NOTCH2: variants seen among roughly 807,000 people sequenced by gnomAD.
NOTCH2 encodes neurogenic locus notch homolog protein 2.
NOTCH2 carries 29 observed loss-of-function variants against 235.8 expected under a neutral mutation model. The observed-to-expected ratio is 0.12, with a 90% CI of 0.09 to 0.17. The LOEUF (loss-of-function observed/expected upper bound fraction) is 0.17, where lower values mean the gene tolerates loss of function less well. Among genes scored for constraint, NOTCH2 ranks in the 10% least tolerant of loss-of-function variants. The pLI, the probability that NOTCH2 is intolerant of heterozygous loss-of-function variation, is 1.00. For synonymous variants in NOTCH2, 1,086 were observed against 1,141.5 expected, an observed-to-expected ratio of 0.95 and a Z score of 0.98; for missense variants, 2,285 against 3,150.2, an observed-to-expected ratio of 0.73 and a Z score of 6.57.
chr1:119,958,375 T>C (rs1012955938), intron 12 of NOTCH2, among the ~76,000 whole-genome samples: 11 of 152,238 alleles, frequency 7.2e-5, no homozygotes, highest in African/African-American at 2.7e-4. Context: ...TCTTGTGAAA[T>C]AGAGAACAAA....
chr1:119,953,636 T>G lies in NOTCH2; in HGVS notation c.2272A>C (p.Lys758Gln), dbSNP rs782382368. 6.2e-7 allele frequency: 1 copy of G among 1,614,214 alleles called. No homozygotes were observed. Among genetic ancestry groups the G allele is most frequent in the East Asian group, 2.2e-5 (1 of 44,880 alleles). The change falls in exon 14 of 34, where the codon AAA becomes CAA. Residue 758 changes from lysine to glutamine, a missense_variant. Physicochemically the swap from Lys to Gln is moderately conservative, Grantham distance 53 (BLOSUM62 1). Coordinates refer to ENST00000256646, the MANE Select transcript of NOTCH2 (RefSeq NM_024408.4). ...GWVGINCEVDKNECLSNPCQN... is the reference protein window; with the variant it reads ...GWVGINCEVDQNECLSNPCQN... ...CATGGATTCGAAAGGCATTCATTTT[T>G]GTCCACTTCACAGTTGATGCCAACC...
intron 17 of NOTCH2, among the ~76,000 whole-genome samples, chr1:119,943,908 T>C (rs1343156741): frequency 1.3e-4 from 19 of 151,992 alleles, no homozygotes; most frequent in Admixed American, 1.1e-3. Context: ...AACTTCCACA[T>C]ATAAAAACAT....
rs1651459749 is a variant in NOTCH2 at position 119,973,757 on chromosome 1, GTATGCTC to G, written c.875-4020_875-4014del. Among the ~76,000 whole-genome samples, 4 of 152,162 alleles carry G rather than the reference GTATGCTC, an allele frequency of 2.6e-5. No homozygotes were observed. The South Asian group carries it at 8.3e-4, about 32-fold the overall frequency. ...GGCGATCACCTAGAGGTCTTAACGT[GTATGCTC>G]TACGGTCATTGAGCTTATCCCACTG... On this transcript the variant is annotated intron_variant, in intron 5 of 33. Transcript: ENST00000256646.
intron 5 of NOTCH2, among the ~76,000 whole-genome samples, chr1:119,978,427 C>T (rs1651680308): frequency 6.6e-6 from 1 of 152,214 alleles, no homozygotes; most frequent in African/African-American, 2.4e-5. Flanking sequence ...GTCCACTCTG[C>T]TGCAGTGAGG....
At chr1:119,927,389 TTG>T (rs1649511213) in intron 23 of NOTCH2, among the ~76,000 whole-genome samples, 1 of 152,026 alleles carries the variant, frequency 6.6e-6, no homozygotes, top group African/African-American at 2.4e-5. Flanking sequence ...GTATAAATGT[TTG>T]TCTCTTCAAA....
rs1553199820 is a variant in NOTCH2, at chr1:119,967,514, T to G, written c.1372A>C (p.Asn458His). 6.2e-7 allele frequency: 1 copy of G among 1,614,022 alleles called. No individual in the cohort carries two copies. The highest frequency in any genetic ancestry group is 8.5e-7 in the Non-Finnish European group (1 of 1,179,984). ...YAGPRCEMDINECHSDPCQND... is the reference protein window; with the variant it reads ...YAGPRCEMDIHECHSDPCQND... The stretch of plus-strand genomic sequence containing the variant: ...TGGCAGGGGTCTGAATGGCACTCAT[T>G]GATGTCCATCTCACAACGAGGTCCT... The change falls in exon 8 of 34, where the codon AAT (asparagine) becomes CAT (histidine). Residue 458 changes from asparagine (N) to histidine (H), a missense_variant. By Grantham distance (68) the Asn-to-His change is moderately conservative. Transcript: ENST00000256646.
chr1:119,967,689 G>A (rs915860881), intron 7 of NOTCH2, 68 bp from the exon 8 acceptor site: 4 of 1,370,832 alleles, frequency 2.9e-6, no homozygotes, highest in Non-Finnish European at 4.2e-6. Flanking sequence ...AACAATAGAA[G>A]AGCATCTGAT....
chr1:119,932,113 T>C (rs587673816), intron 22 of NOTCH2, among the ~76,000 whole-genome samples: 18 of 151,828 alleles, frequency 1.2e-4, no homozygotes, highest in Admixed American at 3.9e-4. Context: ...TATGCTGATA[T>C]ACTGCAATCA....
chr1:119,940,267 CA>C (rs1437103193), intron 19 of NOTCH2, among the ~76,000 whole-genome samples: 2 of 151,960 alleles, frequency 1.3e-5, no homozygotes, highest in South Asian at 4.1e-4. Flanking sequence ...ATGTAAAAAA[CA>C]AAAAAACAAA....
intron 32 of NOTCH2, among the ~76,000 whole-genome samples, chr1:119,918,071 T>G (rs1289183577): frequency 6.6e-6 from 1 of 152,162 alleles, no homozygotes; most frequent in East Asian, 1.9e-4. Flanking sequence ...ATGTCAGAAT[T>G]TATATTGAGA....
rs1649566009 is a variant in NOTCH2 at position 119,929,035 on chromosome 1, C to T, written c.3833G>A (p.Ser1278Asn). The T allele has an allele frequency of 6.2e-7, 1 of 1,614,180 alleles. No homozygotes were observed. Among genetic ancestry groups the T allele is most frequent in the South Asian group, 1.1e-5 (1 of 91,084 alleles). Residue 1278 changes from serine to asparagine, a missense_variant, in exon 23 of 34, where the codon AGC (serine) becomes AAC (asparagine). Coordinates refer to ENST00000256646, the MANE Select transcript of NOTCH2 (RefSeq NM_024408.4). ...ATTGGTGAGCTGTATACAGTCCAGG[C>T]TGCCCTCAGAGCTGCAGGGGTTGGA... is the stretch of plus-strand genomic sequence containing the variant. The part of the protein sequence containing the change: ...CLSNPCSSEG[S>N]LDCIQLTNDY...
Position 119,912,621 on chromosome 1 carries a change from G to A in NOTCH2, c.*2685C>T, listed in dbSNP as rs982096991. On this transcript the variant is annotated 3_prime_UTR_variant, in exon 34 of 34. Coordinates refer to ENST00000256646, the MANE Select transcript of NOTCH2 (RefSeq NM_024408.4). ...CTATCCCCAAAGGCAGGCAGAAGAGGAGTCAAAGAAAGAAAGCATTTATAA... is the reference window on the plus strand; with the variant it reads ...CTATCCCCAAAGGCAGGCAGAAGAGAAGTCAAAGAAAGAAAGCATTTATAA... 2.1e-5 allele frequency: 5 copies of A among 232,964 alleles called. No homozygotes were observed. The East Asian group carries it at 3.0e-4, about 14-fold the overall frequency. 14.4% of individuals were successfully genotyped at this position (232,964 alleles called of 1,614,324 possible). A position where few individuals can be genotyped will look rare whatever the true frequency, so the allele number is the denominator to read the frequency against.
At chr1:119,962,909 G>A (rs1493696) in intron 11 of NOTCH2, among the ~76,000 whole-genome samples, 33,131 of 152,068 alleles carry the variant, frequency 0.22, 5,042 homozygotes, top group African/African-American at 0.42. Context: ...CATCCCCCCA[G>A]AAAGGAGCAG....
At chr1:119,933,874 G>A (rs1376283739) in intron 22 of NOTCH2, among the ~76,000 whole-genome samples, 5 of 152,060 alleles carry the variant, frequency 3.3e-5, no homozygotes, top group East Asian at 1.9e-4. Flanking sequence ...TAATAATTCC[G>A]GTCAATATAC....
At chr1:119,935,627 A>T (rs1490897894) in intron 21 of NOTCH2, 23 bp from the exon 22 acceptor site, 1 of 1,613,530 alleles carries the variant, frequency 6.2e-7, no homozygotes, top group Non-Finnish European at 8.5e-7. Context: ...AACAAAAAGG[A>T]CAAGAAATAT....
chr1:119,968,417 C>A (rs1651232043), intron 6 of NOTCH2, among the ~76,000 whole-genome samples, 185 bp from the exon 7 acceptor site: 1 of 152,194 alleles, frequency 6.6e-6, no homozygotes, highest in Non-Finnish European at 1.5e-5. Context: ...AGCAAAGCAC[C>A]TAGATGCAAC....
chr1:119,998,571 G>GA (rs1396324478), intron 3 of NOTCH2, among the ~76,000 whole-genome samples: 3 of 150,640 alleles, frequency 2.0e-5, no homozygotes, highest in Non-Finnish European at 4.4e-5. Context: ...AAGAGAAAGA[G>GA]AAAAAAATAT....
intron 8 of NOTCH2, 101 bp from the exon 9 acceptor site, chr1:119,966,590 C>G (rs1553199702): frequency 3.7e-6 from 3 of 818,310 alleles, no homozygotes; most frequent in Non-Finnish European, 6.5e-6. Flanking sequence ...TTTGCGAGTA[C>G]ACACATTTCT....
intron 5 of NOTCH2, among the ~76,000 whole-genome samples, chr1:119,973,417 A>C (rs1651443679): frequency 6.6e-6 from 1 of 152,180 alleles, no homozygotes; most frequent in Non-Finnish European, 1.5e-5. Flanking sequence ...AATGCTAAAG[A>C]CTAAAAATAA....
Sources: gnomAD v4.1 joint callset for allele counts (sites outside exome capture counted in the v4.1 genomes callset) on GRCh38, gnomAD v4.1.1 for gene constraint, MANE v1.5 for transcripts, NCBI Gene and HGNC (gene_info 2026-07-23, HGNC 2026-07-21) for gene names.